NPLOC4: variants seen among roughly 807,000 people sequenced by gnomAD.
NPLOC4 encodes NPL4 homolog, ubiquitin recognition factor, also known as nuclear protein localization protein 4 homolog.
A neutral mutation model predicts 80.6 loss-of-function variants in NPLOC4; 18 were observed. The ratio of observed to expected loss-of-function variants is 0.22; its 90% confidence interval spans 0.15 to 0.33. NPLOC4 has a LOEUF of 0.33. NPLOC4 is among the 10% of genes least tolerant of loss of function. The pLI is 1.00. For missense variants in NPLOC4, 540 were observed against 786.1 expected, an observed-to-expected ratio of 0.69 and a Z score of 3.74; for synonymous variants, 313 against 301.5, an observed-to-expected ratio of 1.04 and a Z score of -0.39.
intron 2 of NPLOC4, among the ~76,000 whole-genome samples, chr17:81,626,280 C>T (rs1175000399): frequency 6.6e-6 from 1 of 150,456 alleles, no homozygotes; most frequent in Non-Finnish European, 1.5e-5. Context: ...CGCGCCACTG[C>T]ACTCCAGCCT....
intron 12 of NPLOC4, chr17:81,588,283 C>T (rs1387371515): frequency 6.6e-6 from 1 of 152,180 alleles, no homozygotes; most frequent in Non-Finnish European, 1.5e-5. Flanking sequence ...CGGGAAACAC[C>T]AAAAAGAGAA....
chr17:81,616,815 C>G (rs966272375), intron 3 of NPLOC4, among the ~76,000 whole-genome samples: 41 of 152,026 alleles, frequency 2.7e-4, no homozygotes, highest in Non-Finnish European at 5.4e-4. Context: ...GCCAAAGACT[C>G]AGACACAGAA....
chr17:81,595,629 C>A (rs1334490737), intron 11 of NPLOC4, among the ~76,000 whole-genome samples: 1 of 151,516 alleles, frequency 6.6e-6, no homozygotes, highest in Non-Finnish European at 1.5e-5. Context: ...ACTGCAACCT[C>A]CGCCTGATGG....
intron 12 of NPLOC4, among the ~76,000 whole-genome samples, chr17:81,583,207 T>G (rs1422534650): frequency 6.6e-6 from 1 of 152,268 alleles, no homozygotes; most frequent in East Asian, 1.9e-4. Flanking sequence ...AATTCTATTT[T>G]GAAGATATAC....
chr17:81,617,267 A>G (rs1472260259), intron 3 of NPLOC4, among the ~76,000 whole-genome samples: 2 of 152,106 alleles, frequency 1.3e-5, no homozygotes, highest in Non-Finnish European at 2.9e-5. Context: ...AAAAAATCAG[A>G]TTACGTATTT....
In NPLOC4 at chr17:81,580,517, C is replaced by CTCTA. The variant is rs1341637321; in HGVS notation, c.1281+8423_1281+8426dup. On this transcript the variant is annotated intron_variant, in intron 12 of 16. Transcript: ENST00000331134. The surrounding 1 kb of genome is among the most constrained non-coding windows in gnomAD (Gnocchi z 4.4). The stretch of plus-strand genomic sequence containing the variant: ...TTCAGCTTCCAAGGGCCCCTCCCAC[C>CTCTA]TCTACCCCAGCAGGCCACCCTGCTT... Among the ~76,000 whole-genome samples, 1 of 152,186 alleles carries CTCTA rather than the reference C, an allele frequency of 6.6e-6. No homozygotes were observed. Among genetic ancestry groups the CTCTA allele is most frequent in the Admixed American group, 6.5e-5 (1 of 15,268 alleles).
intron 16 of NPLOC4, among the ~76,000 whole-genome samples, chr17:81,560,313 T>C (rs2033810905): frequency 6.6e-6 from 1 of 151,998 alleles, no homozygotes; most frequent in Non-Finnish European, 1.5e-5. Flanking sequence ...CTCAGGAGGC[T>C]GAGGAAGGAG....
intron 12 of NPLOC4, among the ~76,000 whole-genome samples, chr17:81,576,392 G>C (rs932384135): frequency 6.6e-6 from 1 of 152,024 alleles, no homozygotes; most frequent in African/African-American, 2.4e-5. Context: ...TACAGTATTC[G>C]AGGGCTAGGA....
chr17:81,593,788 C>A (rs2034813640), intron 11 of NPLOC4, among the ~76,000 whole-genome samples: 1 of 151,224 alleles, frequency 6.6e-6, no homozygotes, highest in Non-Finnish European at 1.5e-5. Flanking sequence ...CTCTGCTCCC[C>A]TCCTGGGTGC....
At chr17:81,581,790 G>A (rs1366914068) in intron 12 of NPLOC4, among the ~76,000 whole-genome samples, 1 of 152,244 alleles carries the variant, frequency 6.6e-6, no homozygotes, top group Non-Finnish European at 1.5e-5. Flanking sequence ...TGGAGGCTGT[G>A]TGATCTCTGT....
chr17:81,610,331 C>G, intron 4 of NPLOC4, 73 bp from the exon 5 acceptor site: 1 of 1,361,930 alleles, frequency 7.3e-7, no homozygotes, highest in Non-Finnish European at 1.0e-6. Context: ...GTCTCACATG[C>G]ACGTCCTACT....
Position 81,587,172 on chromosome 17 carries a change from G to A in NPLOC4, c.1281+1772C>T, listed in dbSNP as rs1396573393. Among the ~76,000 whole-genome samples, 4 of 152,306 alleles carry A rather than the reference G, an allele frequency of 2.6e-5. No individual in the cohort carries two copies. The East Asian group carries it at 5.8e-4, about 22-fold the overall frequency. On this transcript the variant is annotated intron_variant, in intron 12 of 16. Coordinates refer to ENST00000331134, the MANE Select transcript of NPLOC4 (RefSeq NM_017921.4). ...GCAGGTGATATGAGTTAGTATATAA[G>A]AACATTAAAAGTTAATATGGGTCGG...
intron 11 of NPLOC4, among the ~76,000 whole-genome samples, chr17:81,595,402 C>T (rs942619209): frequency 1.4e-5 from 2 of 146,986 alleles, no homozygotes; most frequent in African/African-American, 5.0e-5. Flanking sequence ...CCACTGCACT[C>T]CAGCCTAAAT....
intron 1 of NPLOC4, among the ~76,000 whole-genome samples, chr17:81,635,974 A>ATTTT (rs11375745): frequency 7.1e-6 from 1 of 141,666 alleles, no homozygotes; most frequent in South Asian, 2.2e-4. Context: ...GTGTGTGACA[A>ATTTT]TTTTTTTTTT....
intron 13 of NPLOC4, 135 bp from the exon 14 acceptor site, chr17:81,569,246 A>G (rs1363167706): frequency 3.2e-6 from 2 of 627,416 alleles, no homozygotes; most frequent in East Asian, 5.4e-5. Context: ...CAAGCTCTCC[A>G]TCAAAGGGAA....
intron 11 of NPLOC4, among the ~76,000 whole-genome samples, chr17:81,595,530 A>ATTTTTTTTTTTTTTTT (rs200287444): frequency 8.8e-6 from 1 of 113,126 alleles, no homozygotes; most frequent in Non-Finnish European, 2.0e-5. Context: ...ACATATATAT[A>ATTTTTTTTTTTTTTTT]TATATTTTTT....
In NPLOC4 at chr17:81,558,193, C is replaced by T. The variant is rs1014334034; in HGVS notation, c.*1066G>A. Reference sequence around the variant, plus strand: ...CAGTCTCCCTCTATTGGTACACTATCAATTGTGCAGTGCCCCAGGGAGGTC... The same window carrying T: ...CAGTCTCCCTCTATTGGTACACTATTAATTGTGCAGTGCCCCAGGGAGGTC... On this transcript the variant is annotated 3_prime_UTR_variant, in exon 17 of 17. Transcript: ENST00000331134. 5 of 152,386 alleles carry T rather than the reference C, an allele frequency of 3.3e-5. No homozygotes were observed. Among genetic ancestry groups the T allele is most frequent in the Non-Finnish European group, 5.9e-5 (4 of 68,140 alleles). The allele number at this position is 152,386 out of a possible 1,614,324, so 9.4% of individuals were successfully genotyped here.
At chr17:81,636,840 CT>C in intron 1 of NPLOC4, 75 bp downstream of exon 1, 1 of 1,314,520 alleles carries the variant, frequency 7.6e-7, no homozygotes, top group South Asian at 2.0e-5. Context: ...GCAGGCCCGC[CT>C]CCCCCACAGG....
chr17:81,623,779 C>A (rs1717021442), intron 2 of NPLOC4, among the ~76,000 whole-genome samples: 2 of 147,322 alleles, frequency 1.4e-5, no homozygotes, highest in Admixed American at 6.9e-5. Context: ...GCCAGGACGA[C>A]AGAGCGAGAC....
Sources: gnomAD v4.1 joint callset for allele counts (sites outside exome capture counted in the v4.1 genomes callset) on GRCh38, gnomAD v4.1.1 for gene constraint, Gnocchi (gnomAD v3.1) non-coding constraint, MANE v1.5 for transcripts, NCBI Gene and HGNC (gene_info 2026-07-23, HGNC 2026-07-21) for gene names.